MGMT: variants seen among roughly 807,000 people sequenced by gnomAD.
MGMT encodes the protein methylated-DNA--protein-cysteine methyltransferase.
A neutral mutation model predicts 15.9 loss-of-function variants in MGMT; 14 were observed. The observed-to-expected ratio is 0.88, with a 90% CI of 0.58 to 1.37. MGMT has a LOEUF of 1.37. Ranked by LOEUF, MGMT falls within the 40% of genes most tolerant of loss-of-function variation. The probability of loss-of-function intolerance (pLI) is 0.00; values close to 1 mark genes in which losing one functional copy is unlikely to be tolerated. For synonymous variants in MGMT, 130 were observed against 118.2 expected, an observed-to-expected ratio of 1.10 and a Z score of -0.65; for missense variants, 282 against 268.1, an observed-to-expected ratio of 1.05 and a Z score of -0.36.
intron 3 of MGMT, chr10:129,717,811 G>A (rs930073837): frequency 1.3e-5 from 2 of 152,174 alleles, no homozygotes; most frequent in African/African-American, 4.8e-5. Flanking sequence ...GATTCTTTTT[G>A]AAAATTTCAT....
At chr10:129,565,853 C>G (rs976828367) in intron 2 of MGMT, among the ~76,000 whole-genome samples, 1 of 152,174 alleles carries the variant, frequency 6.6e-6, no homozygotes, top group African/African-American at 2.4e-5. Flanking sequence ...AATGCCACCA[C>G]CCAGAAGACC....
At chr10:129,607,910 C>CT (rs1846911155) in intron 2 of MGMT, among the ~76,000 whole-genome samples, 1 of 152,204 alleles carries the variant, frequency 6.6e-6, no homozygotes. Context: ...GGTTAGCCAC[C>CT]TGCCCCCTCG....
chr10:129,709,976 G>C (rs1848212300), intron 3 of MGMT, among the ~76,000 whole-genome samples: 1 of 152,238 alleles, frequency 6.6e-6, no homozygotes, highest in African/African-American at 2.4e-5. Context: ...CCCCCGCTGA[G>C]CCTTTTCCCC....
chr10:129,471,091 C>G (rs1845225668), intron 1 of MGMT, among the ~76,000 whole-genome samples: 2 of 152,180 alleles, frequency 1.3e-5, no homozygotes, highest in African/African-American at 2.4e-5. Flanking sequence ...ATGGATAGTC[C>G]ACCAGCGGCG....
At chr10:129,527,100 G>T (rs1252683559) in intron 1 of MGMT, among the ~76,000 whole-genome samples, 6 of 152,256 alleles carry the variant, frequency 3.9e-5, no homozygotes, top group Admixed American at 3.9e-4. Flanking sequence ...GGAGTGGGAA[G>T]TGGGGACATT....
intron 2 of MGMT, among the ~76,000 whole-genome samples, chr10:129,538,110 G>A (rs1005925814): frequency 2.0e-5 from 3 of 152,182 alleles, no homozygotes; most frequent in African/African-American, 7.2e-5. Context: ...GTATATAAAA[G>A]TATATGAATA....
chr10:129,510,890 A>T (rs1371526984), intron 1 of MGMT, among the ~76,000 whole-genome samples: 2 of 150,246 alleles, frequency 1.3e-5, no homozygotes, highest in Non-Finnish European at 3.0e-5. Context: ...GCTTCCTGTG[A>T]TGGGAACCCC....
rs1041645559 is a variant in MGMT at position 129,659,797 on chromosome 10, C to A, written c.126-48098C>A. Among the ~76,000 whole-genome samples, 1 of 152,140 alleles carries A rather than the reference C, an allele frequency of 6.6e-6. No individual in the cohort carries two copies. Among genetic ancestry groups the A allele is most frequent in the Non-Finnish European group, 1.5e-5 (1 of 68,036 alleles). ...AACAGAAGTAAAAGTCTAAATTGAA[C>A]CAAAGTCCTCCTTAAAGATTGCCTT... On this transcript the variant is annotated intron_variant, in intron 2 of 4. Coordinates refer to ENST00000651593, the MANE Select transcript of MGMT (RefSeq NM_002412.5). This position sits in a 1 kb window ranked among gnomAD's most constrained non-coding sequence, Gnocchi z 4.1.
chr10:129,680,408 A>G (rs2133119550), intron 2 of MGMT, among the ~76,000 whole-genome samples: 1 of 152,210 alleles, frequency 6.6e-6, no homozygotes, highest in East Asian at 1.9e-4. Flanking sequence ...TTGAGAGGAG[A>G]AACCACCTTC....
intron 1 of MGMT, among the ~76,000 whole-genome samples, chr10:129,478,672 A>G (rs1589828470): frequency 6.6e-6 from 1 of 152,192 alleles, no homozygotes; most frequent in Admixed American, 6.5e-5. Flanking sequence ...CTATGCCCCT[A>G]CTTCTGGCTG....
chr10:129,467,400 G>T, intron 1 of MGMT, 104 bp downstream of exon 1: 1 of 1,387,934 alleles, frequency 7.2e-7, no homozygotes, highest in Non-Finnish European at 9.3e-7. Flanking sequence ...GCCGTCGGGT[G>T]TGGGGCCGCC....
intron 4 of MGMT, among the ~76,000 whole-genome samples, chr10:129,763,539 A>G (rs1461999564): frequency 6.6e-6 from 1 of 152,290 alleles, no homozygotes; most frequent in East Asian, 1.9e-4. Flanking sequence ...AGAGGGAGAC[A>G]TGTTTATTTT....
At chr10:129,697,812 A>G (rs1848049446) in intron 2 of MGMT, among the ~76,000 whole-genome samples, 1 of 152,108 alleles carries the variant, frequency 6.6e-6, no homozygotes, top group Admixed American at 6.5e-5. Context: ...AGGATGTGAA[A>G]TTGCATGACA....
intron 3 of MGMT, among the ~76,000 whole-genome samples, chr10:129,735,874 AGT>A (rs1848554508): frequency 1.9e-5 from 1 of 52,002 alleles, no homozygotes; most frequent in Non-Finnish European, 3.5e-5. Flanking sequence ...AGCGGTTTTG[AGT>A]GAGATTCTTA....
At chr10:129,743,097 A>G (rs1034154173) in intron 3 of MGMT, among the ~76,000 whole-genome samples, 9 of 152,154 alleles carry the variant, frequency 5.9e-5, no homozygotes, top group African/African-American at 9.7e-5. Context: ...TGTGGGTGGT[A>G]TATGGTGGGC....
rs549355050 is a variant in MGMT, at chr10:129,624,537, A to G, written c.126-83358A>G. Among the ~76,000 whole-genome samples, 3 of 152,362 alleles carry G rather than the reference A, an allele frequency of 2.0e-5. No homozygotes were observed. The East Asian group carries it at 5.8e-4, about 29-fold the overall frequency. On this transcript the variant is annotated intron_variant, in intron 2 of 4. Coordinates refer to ENST00000651593, the MANE Select transcript of MGMT (RefSeq NM_002412.5). ...ATTGTAATCTCTACATCCCCAATCC[A>G]TGAAAACAAAACAGAAATGGAGGGC...
At chr10:129,589,652 A>T (rs1846658814) in intron 2 of MGMT, among the ~76,000 whole-genome samples, 1 of 152,078 alleles carries the variant, frequency 6.6e-6, no homozygotes, top group Non-Finnish European at 1.5e-5. Context: ...TGCAATAGTG[A>T]CCCCCTATGG....
rs1363160979 is a variant in MGMT at position 129,737,604 on chromosome 10, C to T, written c.275-21598C>T. On this transcript the variant is annotated intron_variant, in intron 3 of 4. Coordinates refer to ENST00000651593, the MANE Select transcript of MGMT (RefSeq NM_002412.5). ...TTGTTCCGTTGCTGGTGAGGAACTG[C>T]GTTCCTTTGGAGGAGGAGAGGCGCT... 1.4e-4 allele frequency among the ~76,000 whole-genome samples: 21 copies of T among 152,326 alleles called. 1 individual carries two copies. Among genetic ancestry groups the T allele is most frequent in the African/African-American group, 4.3e-4 (18 of 41,586 alleles).
chr10:129,766,254 G>A (rs1480925396), intron 4 of MGMT, among the ~76,000 whole-genome samples: 2 of 152,180 alleles, frequency 1.3e-5, no homozygotes, highest in Admixed American at 6.5e-5. Context: ...AAAAGGCATG[G>A]CTGCGTTCCA....
Sources: allele counts gnomAD v4.1 joint callset (sites outside exome capture counted in the v4.1 genomes callset), GRCh38; gene constraint gnomAD v4.1.1; non-coding constraint Gnocchi (gnomAD v3.1); transcripts MANE v1.5; gene names NCBI Gene and HGNC (gene_info 2026-07-23, HGNC 2026-07-21).